The following ANKRD7 variants were observed in gnomAD, a reference collection of about 807,000 sequenced individuals.
ANKRD7 encodes ankyrin repeat domain 7.
A neutral mutation model predicts 30.8 loss-of-function variants in ANKRD7; 30 were observed. The observed-to-expected ratio is 0.97, with a 90% CI of 0.73 to 1.32. The LOEUF is 1.32. ANKRD7 is among the 40% of genes most tolerant of loss of function. ANKRD7 has a pLI of 0.00. For missense variants in ANKRD7, 264 were observed against 295.7 expected (o/e 0.89, Z 0.79); for synonymous variants, 97 against 106.6 (o/e 0.91, Z 0.55).
chr7:118,230,437 AAAG>A (rs1168253927), intron 1 of ANKRD7, among the ~76,000 whole-genome samples: 2 of 152,018 alleles, frequency 1.3e-5, no homozygotes, highest in African/African-American at 4.8e-5. Flanking sequence ...ATCTAAAAAA[AAAG>A]GATAGTGACA....
intron 3 of ANKRD7, among the ~76,000 whole-genome samples, chr7:118,235,108 C>G (rs2116014301): frequency 6.6e-6 from 1 of 152,160 alleles, no homozygotes; most frequent in Admixed American, 6.5e-5. Context: ...CTATATTTAA[C>G]AACTATAATT....
intron 1 of ANKRD7, among the ~76,000 whole-genome samples, chr7:118,233,736 G>T (rs566004180): frequency 2.0e-5 from 3 of 152,158 alleles, no homozygotes; most frequent in Admixed American, 6.5e-5. Flanking sequence ...CTAAAAACAA[G>T]GCTATAATGA....
chr7:118,225,143 C>G (rs1167307914), intron 1 of ANKRD7, 134 bp downstream of exon 1: 2 of 1,032,180 alleles, frequency 1.9e-6, no homozygotes, highest in Non-Finnish European at 1.4e-6. Context: ...TGTCTGGTAA[C>G]CATTGGCAGA....
At chr7:118,242,140 C>T (rs1809858047) in intron 6 of ANKRD7, among the ~76,000 whole-genome samples, 1 of 151,954 alleles carries the variant, frequency 6.6e-6, no homozygotes, top group Admixed American at 6.6e-5. Flanking sequence ...AGAAAATTAC[C>T]AAAAGATGTT....
intron 6 of ANKRD7, among the ~76,000 whole-genome samples, chr7:118,242,147 T>C (rs1459207888): frequency 6.6e-6 from 1 of 152,218 alleles, no homozygotes; most frequent in Non-Finnish European, 1.5e-5. Context: ...TACCAAAAGA[T>C]GTTGCAAAAA....
At chr7:118,225,866 T>A (rs3808173) in intron 1 of ANKRD7, among the ~76,000 whole-genome samples, 66,905 of 152,080 alleles carry the variant, frequency 0.44, 17,450 homozygotes, top group South Asian at 0.59. Context: ...TTAAATCTGA[T>A]TCCATTTTCT....
At chr7:118,241,411 A>G (rs1809841460) in intron 6 of ANKRD7, among the ~76,000 whole-genome samples, 1 of 151,132 alleles carries the variant, frequency 6.6e-6, no homozygotes, top group Non-Finnish European at 1.5e-5. Flanking sequence ...CAACTATTCA[A>G]GCCCTCTCCA....
intron 1 of ANKRD7, among the ~76,000 whole-genome samples, chr7:118,229,372 T>A (rs533822837): frequency 2.6e-4 from 39 of 152,276 alleles, no homozygotes; most frequent in African/African-American, 9.1e-4. Context: ...TTTTTATCTT[T>A]TAAATTGTTT....
chr7:118,241,700 G>A (rs1219495883), intron 6 of ANKRD7, among the ~76,000 whole-genome samples: 1 of 151,392 alleles, frequency 6.6e-6, no homozygotes, highest in East Asian at 1.9e-4. Context: ...CACCATGCCC[G>A]ACTAATTTTT....
chr7:118,240,784 GAA>G (rs1809820421), intron 6 of ANKRD7, among the ~76,000 whole-genome samples: 1 of 152,036 alleles, frequency 6.6e-6, no homozygotes, highest in South Asian at 2.1e-4. Context: ...AAATTTTAAA[GAA>G]AGTAACAATA....
At chr7:118,236,228 G>GTGTGTGTGTA in intron 4 of ANKRD7, 81 bp downstream of exon 4, 1 of 769,840 alleles carries the variant, frequency 1.3e-6, no homozygotes, top group African/African-American at 1.8e-5. Context: ...GTGTGTGTGT[G>GTGTGTGTGTA]TGTGTGTGTG....
At chr7:118,239,302 T>C (rs1405491385) in intron 5 of ANKRD7, among the ~76,000 whole-genome samples, 1 of 152,182 alleles carries the variant, frequency 6.6e-6, no homozygotes. Context: ...ATCTAGTTTG[T>C]GGTCTCCTTA....
intron 3 of ANKRD7, among the ~76,000 whole-genome samples, chr7:118,235,679 G>T (rs1429321817): frequency 2.7e-5 from 4 of 150,654 alleles, no homozygotes; most frequent in African/African-American, 9.8e-5. Flanking sequence ...CAAAATAAGT[G>T]CCAGCCTTGG....
Position 118,241,160 on chromosome 7 carries a change from CAAAA to C in ANKRD7, c.*38-1166_*38-1163del, listed in dbSNP as rs60703234. On this transcript the variant is annotated intron_variant, in intron 6 of 6. Transcript: ENST00000265224. ...TGGGCGACAGAGCGAGACTCCGTCT[CAAAA>C]AAAAAAAAAAAAAAAAAAAAAAGAA... is the stretch of plus-strand genomic sequence containing the variant. Among the ~76,000 whole-genome samples the C allele has an allele frequency of 1.5e-3, 32 of 21,838 alleles. No individual in the cohort carries two copies. The East Asian group carries it at 0.028, about 19-fold the overall frequency. 14.3% of individuals were successfully genotyped at this position (21,838 alleles called of 152,430 possible).
intron 5 of ANKRD7, among the ~76,000 whole-genome samples, chr7:118,238,035 T>A (rs549633192): frequency 6.6e-6 from 1 of 152,270 alleles, no homozygotes; most frequent in South Asian, 2.1e-4. Flanking sequence ...TAGTAATGTA[T>A]CTATTGGTCA....
At chr7:118,225,039 G>A (rs1439021037) in intron 1 of ANKRD7, 30 bp downstream of exon 1, 1 of 1,611,588 alleles carries the variant, frequency 6.2e-7, no homozygotes, top group South Asian at 1.1e-5. Context: ...AGCGCGGGAG[G>A]ACGGGTTGGG....
Position 118,224,724 on chromosome 7 carries a change from G to A in ANKRD7, c.-107G>A. On this transcript the variant is annotated 5_prime_UTR_variant, in exon 1 of 7. Coordinates refer to ENST00000265224, the MANE Select transcript of ANKRD7 (RefSeq NM_019644.4). Reference sequence around the variant, plus strand: ...CTTCCAGCATTTCCACTTTCGTCAGGTACTGGAGAGGGCTGCCGGCCGGAT... The same window carrying A: ...CTTCCAGCATTTCCACTTTCGTCAGATACTGGAGAGGGCTGCCGGCCGGAT... The A allele has an allele frequency of 6.6e-7, 1 of 1,515,392 alleles. No homozygotes were observed. The allele number at this position is 1,515,392 out of a possible 1,614,324, so 93.9% of individuals were successfully genotyped here. A position where few individuals can be genotyped will look rare whatever the true frequency, so the allele number is the denominator to read the frequency against.
intron 6 of ANKRD7, among the ~76,000 whole-genome samples, chr7:118,241,601 G>A (rs1809848255): frequency 7.6e-6 from 1 of 132,444 alleles, no homozygotes. Flanking sequence ...GTGCAGTGAT[G>A]CAATCTCAGC....
chr7:118,239,937 T>G lies in ANKRD7; in HGVS notation c.741T>G (p.His247Gln). 6.3e-7 allele frequency: 1 copy of G among 1,598,374 alleles called. No homozygotes were observed. Among genetic ancestry groups the G allele is most frequent in the Non-Finnish European group, 8.5e-7 (1 of 1,170,098 alleles). Residue 247 changes from histidine to glutamine, a missense_variant, in exon 6 of 7, where the codon CAT (histidine) becomes CAG (glutamine). By Grantham distance (24) the His-to-Gln change is conservative (BLOSUM62 0). Coordinates refer to ENST00000265224, the MANE Select transcript of ANKRD7 (RefSeq NM_019644.4). ...GATACCCACAATTCACTGCGAGCCA[T>G]GGAAAGAAGAAACATGCTAAATAGA... ...LHRYPQFTASHGKKKHAK is the reference protein window; with the variant it reads ...LHRYPQFTASQGKKKHAK
Sources: allele counts gnomAD v4.1 joint callset (sites outside exome capture counted in the v4.1 genomes callset), GRCh38; gene constraint gnomAD v4.1.1; transcripts MANE v1.5; gene names NCBI Gene and HGNC (gene_info 2026-07-23, HGNC 2026-07-21).